Variants in ARHGAP15 observed in about 807,000 individuals in gnomAD.
ARHGAP15 encodes the protein rho GTPase-activating protein 15.
Under a neutral mutation model 63.7 loss-of-function variants are expected in ARHGAP15, and 51 were observed. The ratio of observed to expected loss-of-function variants is 0.80; its 90% CI spans 0.64 to 1.01. The LOEUF is 1.01. ARHGAP15 is among the 50% of genes least tolerant of loss of function. The probability of loss-of-function intolerance (pLI) is 0.00; values close to 1 mark genes in which losing one functional copy is unlikely to be tolerated. For missense variants in ARHGAP15, 560 were observed against 564.6 expected (o/e 0.99, Z 0.08); for synonymous variants, 191 against 193.8 (o/e 0.99, Z 0.12).
chr2:143,163,288 T>C (rs1690370698), intron 2 of ARHGAP15, among the ~76,000 whole-genome samples: 2 of 151,856 alleles, frequency 1.3e-5, no homozygotes, highest in Non-Finnish European at 2.9e-5. Context: ...GATGGCACAA[T>C]AACATTTTTG....
intron 10 of ARHGAP15, among the ~76,000 whole-genome samples, chr2:143,527,140 T>G (rs1486423391): frequency 6.6e-6 from 1 of 152,114 alleles, no homozygotes; most frequent in Non-Finnish European, 1.5e-5. Flanking sequence ...CAAGGGATTT[T>G]TATACTTTCA....
At chr2:143,540,044 C>T (rs1694972435) in intron 10 of ARHGAP15, among the ~76,000 whole-genome samples, 1 of 152,084 alleles carries the variant, frequency 6.6e-6, no homozygotes, top group African/African-American at 2.4e-5. Flanking sequence ...TAAGGACTTG[C>T]TTTATGAATC....
At chr2:143,498,760 C>T in intron 9 of ARHGAP15, among the ~76,000 whole-genome samples, 1 of 152,114 alleles carries the variant, frequency 6.6e-6, no homozygotes, top group East Asian at 1.9e-4. Context: ...GTCTTCTTCT[C>T]TCAATGGGAG....
At chr2:143,574,109 CAA>C (rs1696570931) in intron 11 of ARHGAP15, among the ~76,000 whole-genome samples, 1 of 152,098 alleles carries the variant, frequency 6.6e-6, no homozygotes, top group African/African-American at 2.4e-5. Context: ...TTAAAGGAGA[CAA>C]GAGAAGGGGC....
chr2:143,447,305 T>C (rs1027969082), intron 8 of ARHGAP15, among the ~76,000 whole-genome samples: 3 of 152,156 alleles, frequency 2.0e-5, no homozygotes, highest in Non-Finnish European at 4.4e-5. Flanking sequence ...ATAATACATA[T>C]TAGAATCAAC....
intron 9 of ARHGAP15, among the ~76,000 whole-genome samples, chr2:143,517,667 A>G (rs181256516): frequency 2.6e-5 from 4 of 152,278 alleles, no homozygotes; most frequent in East Asian, 1.9e-4. Flanking sequence ...TTTCAGTCTC[A>G]TATGTCAAGT....
At chr2:143,164,626 T>C (rs377043617) in intron 2 of ARHGAP15, among the ~76,000 whole-genome samples, 3 of 152,176 alleles carry the variant, frequency 2.0e-5, no homozygotes, top group African/African-American at 7.2e-5. Flanking sequence ...ACAGAATGTT[T>C]GGGGAAAAAT....
intron 13 of ARHGAP15, among the ~76,000 whole-genome samples, chr2:143,742,597 GTC>G (rs560884433): frequency 3.2e-3 from 481 of 152,316 alleles, no homozygotes; most frequent in Non-Finnish European, 5.7e-3. Context: ...AGGAAATTGA[GTC>G]TGTGTTTACA....
At chr2:143,387,839 A>G (rs1411918296) in intron 6 of ARHGAP15, among the ~76,000 whole-genome samples, 1 of 148,462 alleles carries the variant, frequency 6.7e-6, no homozygotes, top group Non-Finnish European at 1.5e-5. Flanking sequence ...ACACGCATGC[A>G]AGCACACACA....
intron 12 of ARHGAP15, among the ~76,000 whole-genome samples, chr2:143,658,866 T>A (rs1574788054): frequency 6.6e-6 from 1 of 152,234 alleles, no homozygotes; most frequent in African/African-American, 2.4e-5. Context: ...GAAATTTCCA[T>A]TTGAGTTAAT....
chr2:143,411,645 C>T (rs1688450473), intron 6 of ARHGAP15, among the ~76,000 whole-genome samples: 1 of 151,986 alleles, frequency 6.6e-6, no homozygotes, highest in Admixed American at 6.6e-5. Context: ...TTCATTCATT[C>T]AATAAATAAG....
intron 8 of ARHGAP15, among the ~76,000 whole-genome samples, chr2:143,468,279 C>CT (rs1261790627): frequency 6.6e-6 from 1 of 151,704 alleles, no homozygotes; most frequent in Non-Finnish European, 1.5e-5. Flanking sequence ...TTGTAGTCAA[C>CT]TTTTTTTCCT....
intron 6 of ARHGAP15, among the ~76,000 whole-genome samples, chr2:143,380,290 A>G (rs1270245530): frequency 6.6e-6 from 1 of 152,164 alleles, no homozygotes; most frequent in African/African-American, 2.4e-5. Context: ...TGGGCTGACC[A>G]TGGGCAAATG....
intron 6 of ARHGAP15, among the ~76,000 whole-genome samples, chr2:143,382,789 T>C (rs959639776): frequency 6.6e-6 from 1 of 152,180 alleles, no homozygotes; most frequent in African/African-American, 2.4e-5. Context: ...TCTGCGACTT[T>C]TCTGTGCTGT....
chr2:143,469,712 A>T (rs184778895), intron 8 of ARHGAP15, among the ~76,000 whole-genome samples: 1 of 152,370 alleles, frequency 6.6e-6, no homozygotes, highest in East Asian at 1.9e-4. Context: ...AGGATATGAG[A>T]TATCTCATTA....
intron 6 of ARHGAP15, among the ~76,000 whole-genome samples, chr2:143,262,535 A>ATTTTGTTTTTTTTTTTTTTT (rs1680774422): frequency 1.1e-5 from 1 of 90,922 alleles, no homozygotes; most frequent in African/African-American, 4.7e-5. Flanking sequence ...TGAACCTTTG[A>ATTTTGTTTTTTTTTTTTTTT]TTTTTTTTTT....
intron 1 of ARHGAP15, among the ~76,000 whole-genome samples, chr2:143,137,444 G>A (rs1689192254): frequency 2.6e-5 from 4 of 152,058 alleles, no homozygotes; most frequent in Admixed American, 2.6e-4. Context: ...TTTAGGAGAA[G>A]AGAAGCTAGA....
chr2:143,371,839 T>C (rs1046938595), intron 6 of ARHGAP15, among the ~76,000 whole-genome samples: 1 of 152,164 alleles, frequency 6.6e-6, no homozygotes, highest in African/African-American at 2.4e-5. Context: ...TCCATTATCA[T>C]GAATGTACTG....
intron 13 of ARHGAP15, among the ~76,000 whole-genome samples, chr2:143,752,991 T>C (rs1686438226): frequency 6.6e-6 from 1 of 152,050 alleles, no homozygotes; most frequent in East Asian, 1.9e-4. Context: ...AAAAATTTTT[T>C]TTAATTAGCC....
Sources: allele counts gnomAD v4.1 joint callset (sites outside exome capture counted in the v4.1 genomes callset), GRCh38; gene constraint gnomAD v4.1.1; transcripts MANE v1.5; gene names NCBI Gene and HGNC (gene_info 2026-07-23, HGNC 2026-07-21).